Variants in MYO18B observed in about 807,000 individuals in gnomAD.
MYO18B encodes unconventional myosin-XVIIIb.
Under a neutral mutation model 273.0 loss-of-function variants are expected in MYO18B, and 204 were observed. That is an observed-to-expected ratio of 0.75 (90% CI 0.67 to 0.84). The LOEUF (loss-of-function observed/expected upper bound fraction) is 0.84. Ranked by LOEUF, MYO18B falls within the 40% of genes least tolerant of loss-of-function variation. The pLI is 0.00. For missense variants in MYO18B, 3,212 were observed against 3,287.6 expected (o/e 0.98, Z 0.56); for synonymous variants, 1,330 against 1,305.7 (o/e 1.02, Z -0.40).
chr22:25,778,441 G>T (rs915599208), intron 8 of MYO18B, among the ~76,000 whole-genome samples: 9 of 152,004 alleles, frequency 5.9e-5, no homozygotes, highest in Non-Finnish European at 1.0e-4. Context: ...GCTTGCTGAA[G>T]CCTAATGTAC....
At chr22:25,781,657 CT>C in intron 9 of MYO18B, 76 bp from the exon 10 acceptor site, 1 of 840,262 alleles carries the variant, frequency 1.2e-6, no homozygotes, top group Non-Finnish European at 1.7e-6. Flanking sequence ...CCCAATGGGG[CT>C]TCTGGGTAGC....
intron 40 of MYO18B, among the ~76,000 whole-genome samples, chr22:25,999,804 C>T (rs371599675): frequency 1.6e-4 from 25 of 152,008 alleles, no homozygotes; most frequent in Middle Eastern, 3.4e-3. Context: ...TACAGGCACA[C>T]GCCACCACAC....
intron 40 of MYO18B, among the ~76,000 whole-genome samples, chr22:25,997,567 G>C (rs1288734668): frequency 2.0e-5 from 3 of 152,120 alleles, no homozygotes; most frequent in Admixed American, 1.3e-4. Context: ...GTAGACTTCA[G>C]TAATATCATA....
chr22:25,981,912 T>C (rs1362479641), intron 39 of MYO18B, among the ~76,000 whole-genome samples: 1 of 152,158 alleles, frequency 6.6e-6, no homozygotes, highest in Non-Finnish European at 1.5e-5. Flanking sequence ...TACCTGAGAC[T>C]GGGTGATTTA....
intron 12 of MYO18B, among the ~76,000 whole-genome samples, chr22:25,803,823 T>TC (rs1402798383): frequency 1.3e-5 from 2 of 152,236 alleles, no homozygotes; most frequent in Admixed American, 1.3e-4. Flanking sequence ...GTCCTGCAGA[T>TC]CCCATGGTAG....
At chr22:25,916,520 CTTG>C (rs956854843) in intron 33 of MYO18B, among the ~76,000 whole-genome samples, 34 of 152,212 alleles carry the variant, frequency 2.2e-4, no homozygotes, top group African/African-American at 7.5e-4. Context: ...TACTAAGTGT[CTTG>C]TTGTATCTTT....
chr22:25,947,495 C>T (rs1267466812), intron 35 of MYO18B, among the ~76,000 whole-genome samples: 1 of 112,876 alleles, frequency 8.9e-6, no homozygotes, highest in African/African-American at 4.5e-5. Context: ...AATACACACA[C>T]ACACACACAC....
At chr22:25,976,468 G>A (rs566476216) in intron 39 of MYO18B, among the ~76,000 whole-genome samples, 106 of 152,286 alleles carry the variant, frequency 7.0e-4, no homozygotes, top group African/African-American at 2.4e-3. Flanking sequence ...AGGGCTTGCT[G>A]TTTACAACTC....
At chr22:25,773,078 G>A (rs914824301) in intron 7 of MYO18B, among the ~76,000 whole-genome samples, 2 of 152,134 alleles carry the variant, frequency 1.3e-5, no homozygotes, top group East Asian at 3.9e-4. Context: ...GTGTAGAAAC[G>A]GCCAATTTTT....
chr22:25,839,505 G>T (rs1033705259), intron 17 of MYO18B, among the ~76,000 whole-genome samples: 30 of 152,178 alleles, frequency 2.0e-4, no homozygotes, highest in African/African-American at 6.5e-4. Context: ...GCTAGTTGTG[G>T]AGCCCTTGGT....
chr22:25,901,113 C>G (rs1027438831), intron 29 of MYO18B: 12 of 152,332 alleles, frequency 7.9e-5, no homozygotes, highest in African/African-American at 2.9e-4. Context: ...ATGATGTCAC[C>G]AACAGCCAAT....
At chr22:25,769,922 A>T (rs2086656672) in intron 4 of MYO18B, 188 bp from the exon 5 acceptor site, 1 of 602,908 alleles carries the variant, frequency 1.7e-6, no homozygotes, top group South Asian at 2.0e-5. Context: ...CAGTGGTGTG[A>T]TCTCGGCTCC....
chr22:25,742,678 G>T (rs2085662382), intron 1 of MYO18B, among the ~76,000 whole-genome samples: 1 of 152,174 alleles, frequency 6.6e-6, no homozygotes, highest in Non-Finnish European at 1.5e-5. Context: ...AGTAATTTCT[G>T]CTTCACTGGT....
intron 33 of MYO18B, among the ~76,000 whole-genome samples, chr22:25,920,253 A>G (rs1342755047): frequency 2.0e-5 from 3 of 152,214 alleles, no homozygotes; most frequent in Non-Finnish European, 4.4e-5. Context: ...TCTGATGGAC[A>G]GGCCCGTATT....
chr22:26,021,994 T>C (rs1935858428), intron 42 of MYO18B, among the ~76,000 whole-genome samples: 3 of 152,162 alleles, frequency 2.0e-5, no homozygotes, highest in Admixed American at 6.5e-5. Context: ...CTCTTTCCCA[T>C]AGCAGGTATA....
rs2086619775 is a variant in MYO18B at position 25,769,092 on chromosome 22, G to A, written c.1176G>A (p.Lys392=). 1.9e-6 allele frequency: 3 copies of A among 1,613,436 alleles called. No individual in the cohort carries two copies. Among genetic ancestry groups the A allele is most frequent in the East Asian group, 2.2e-5 (1 of 44,876 alleles). The change falls in exon 4 of 44, where the codon AAG becomes AAA. Residue 392 remains lysine, a synonymous_variant. Transcript: ENST00000335473. ...AGGCAGGTGAGTCCTGGGATAAGAA[G>A]GAAAAGATGGGGCAACCCCAGGGTA... ...TGKAGESWDK[K]EKMGQPQGKS... is the part of the protein sequence containing the mutation.
In MYO18B at chr22:25,829,522, T is replaced by TAAA. The variant is rs55957728; in HGVS notation, c.2979+567_2979+569dup. Among the ~76,000 whole-genome samples, 528 of 139,368 alleles carry TAAA rather than the reference T, an allele frequency of 3.8e-3. 7 individuals are homozygous for TAAA. The highest frequency in any genetic ancestry group is 9.3e-3 in the African/African-American group (341 of 36,594). 91.4% of individuals were successfully genotyped at this position (139,368 alleles called of 152,430 possible). The stretch of plus-strand genomic sequence containing the variant: ...GATCCTGCCAGCCCTTCTTTTTTCA[T>TAAA]AAAAAAAAAAAAAAAGAGGTTAAGT... On this transcript the variant is annotated intron_variant, in intron 15 of 43. Coordinates refer to ENST00000335473, the MANE Select transcript of MYO18B (RefSeq NM_032608.7).
chr22:25,807,566 C>G (rs2088536671), intron 12 of MYO18B, among the ~76,000 whole-genome samples: 1 of 152,136 alleles, frequency 6.6e-6, no homozygotes, highest in African/African-American at 2.4e-5. Flanking sequence ...ATTTCCCAGG[C>G]TTCATGTGGT....
At chr22:26,062,022 T>G in the MYO18B span, among the ~76,000 whole-genome samples, 32 of 152,342 alleles carry the variant, frequency 2.1e-4, no homozygotes, top group African/African-American at 7.2e-4. Context: ...TTTTCAAAAC[T>G]AATTTGAGCA....
Sources: allele counts gnomAD v4.1 joint callset (sites outside exome capture counted in the v4.1 genomes callset), GRCh38; gene constraint gnomAD v4.1.1; transcripts MANE v1.5; gene names NCBI Gene and HGNC (gene_info 2026-07-23, HGNC 2026-07-21).